The following DIAPH2 variants were observed in gnomAD, a reference collection of about 807,000 sequenced individuals.
DIAPH2 encodes the protein protein diaphanous homolog 2.
In DIAPH2, 35 loss-of-function variants were observed where a neutral mutation model predicts 92.7. The ratio of observed to expected loss-of-function variants is 0.38; its 90% CI spans 0.29 to 0.50. The LOEUF (loss-of-function observed/expected upper bound fraction) is 0.50, where lower values mean the gene tolerates loss of function less well. DIAPH2 is among the 20% of genes least tolerant of loss of function. The probability of loss-of-function intolerance (pLI) is 0.94; values close to 1 mark genes in which losing one functional copy is unlikely to be tolerated. For synonymous variants in DIAPH2, 301 were observed against 280.4 expected, an observed-to-expected ratio of 1.07 and a Z score of -0.73; for missense variants, 701 against 819.5, an observed-to-expected ratio of 0.86 and a Z score of 1.77.
At chrX:96,869,016 G>T (rs1235770179) in intron 4 of DIAPH2, among the ~76,000 whole-genome samples, 1 of 111,745 alleles carries the variant, frequency 8.9e-6, no homozygotes, top group African/African-American at 3.3e-5. Flanking sequence ...ATTCAACAGG[G>T]CAGGACCTTT....
At chrX:96,835,095 G>A (rs1180208135) in intron 4 of DIAPH2, among the ~76,000 whole-genome samples, 1 of 111,460 alleles carries the variant, frequency 9.0e-6, no homozygotes, top group African/African-American at 3.3e-5. Flanking sequence ...TTGACCTGCC[G>A]AGAGAGGTTA....
intron 1 of DIAPH2, among the ~76,000 whole-genome samples, chrX:96,718,336 G>GTTTTTTTTTTT (rs962776012): frequency 9.1e-5 from 1 of 10,993 alleles, no homozygotes; most frequent in Non-Finnish European, 1.4e-4. Flanking sequence ...CATTTTCTTT[G>GTTTTTTTTTTT]TTTTTTTTTT....
At chrX:97,226,364 A>G (rs781610056) in intron 22 of DIAPH2, among the ~76,000 whole-genome samples, 3 of 101,285 alleles carry the variant, frequency 3.0e-5, no homozygotes, top group African/African-American at 4.5e-5. Context: ...TTTTTGTTTT[A>G]TTTTGTTTTG....
At chrX:96,947,012 A>G (rs1314299735) in intron 14 of DIAPH2, among the ~76,000 whole-genome samples, 3 of 111,484 alleles carry the variant, frequency 2.7e-5, no homozygotes, top group African/African-American at 9.8e-5. Context: ...TAGTTGTGAG[A>G]TCTGATCTCA....
At chrX:97,487,817 G>C (rs991482091) in intron 26 of DIAPH2, among the ~76,000 whole-genome samples, 1 of 110,689 alleles carries the variant, frequency 9.0e-6, no homozygotes, top group Non-Finnish European at 1.9e-5. Flanking sequence ...TCCTAACTGG[G>C]GTGAGGTGAC....
intron 26 of DIAPH2, among the ~76,000 whole-genome samples, chrX:97,524,008 G>A (rs949144002): frequency 8.9e-6 from 1 of 111,733 alleles, no homozygotes; most frequent in Non-Finnish European, 1.9e-5. Context: ...AGATGTGGGT[G>A]GCAAGAATTA....
chrX:97,179,614 T>A (rs2067523121), intron 22 of DIAPH2, among the ~76,000 whole-genome samples: 1 of 111,930 alleles, frequency 8.9e-6, no homozygotes. Context: ...CTCTCATCGA[T>A]GGGCATTTGG....
intron 4 of DIAPH2, among the ~76,000 whole-genome samples, chrX:96,851,433 CTTAGGTGTCT>C (rs1358861588): frequency 8.9e-6 from 1 of 111,845 alleles, no homozygotes; most frequent in East Asian, 2.8e-4. Context: ...TACAGTTGTC[CTTAGGTGTCT>C]GTGGGGAATT....
chrX:97,331,937 A>G lies in DIAPH2; in HGVS notation c.2845-16179A>G, dbSNP rs981509456. On this transcript the variant is annotated intron_variant, in intron 23 of 26. Transcript: ENST00000324765. ...GGGTTAGAAAATATATAGTATTTCA[A>G]TGTCATTATTTTATTTCAGAGTAAC... 9.0e-5 allele frequency among the ~76,000 whole-genome samples: 10 copies of G among 111,542 alleles called. 1 individual carries two copies. Among genetic ancestry groups the G allele is most frequent in the South Asian group, 7.6e-4 (2 of 2,649 alleles).
At chrX:97,491,050 C>A (rs1296508928) in intron 26 of DIAPH2, among the ~76,000 whole-genome samples, 1 of 111,275 alleles carries the variant, frequency 9.0e-6, no homozygotes, top group Non-Finnish European at 1.9e-5. Flanking sequence ...TTTCCTACTT[C>A]AGATCTGTCA....
At chrX:97,082,474 A>T (rs1211947461) in intron 19 of DIAPH2, among the ~76,000 whole-genome samples, 1 of 108,043 alleles carries the variant, frequency 9.3e-6, no homozygotes, top group African/African-American at 3.4e-5. Context: ...AAAAAAAAAA[A>T]TACAAAAATT....
At chrX:96,760,806 G>C (rs980430025) in intron 4 of DIAPH2, among the ~76,000 whole-genome samples, 20 of 111,106 alleles carry the variant, frequency 1.8e-4, no homozygotes, top group African/African-American at 6.2e-4. Context: ...TCTTCTCGAA[G>C]TCCCATAATA....
At chrX:97,516,083 C>G (rs758830515) in intron 26 of DIAPH2, among the ~76,000 whole-genome samples, 1 of 110,351 alleles carries the variant, frequency 9.1e-6, no homozygotes, top group South Asian at 3.9e-4. Flanking sequence ...GAAACCCCAT[C>G]TCTACTAAAA....
intron 4 of DIAPH2, among the ~76,000 whole-genome samples, chrX:96,810,265 C>T (rs1349997025): frequency 8.9e-6 from 1 of 112,164 alleles, no homozygotes; most frequent in African/African-American, 3.2e-5. Flanking sequence ...TCTCTGATGA[C>T]CAGTGATGAT....
intron 25 of DIAPH2, among the ~76,000 whole-genome samples, chrX:97,392,578 G>A (rs1841785130): frequency 9.0e-6 from 1 of 111,681 alleles, no homozygotes; most frequent in Admixed American, 9.5e-5. Flanking sequence ...TGAAGGATGG[G>A]TAACATTTGG....
At chrX:97,434,785 T>TTTGC (rs2070165143) in intron 26 of DIAPH2, among the ~76,000 whole-genome samples, 2 of 111,633 alleles carry the variant, frequency 1.8e-5, no homozygotes, top group Admixed American at 9.6e-5. Context: ...TTTGGATAAG[T>TTTGC]TAAACTGAAA....
intron 17 of DIAPH2, among the ~76,000 whole-genome samples, chrX:96,983,290 A>G (rs1403613773): frequency 9.0e-6 from 1 of 111,322 alleles, no homozygotes. Context: ...GGGCTGGGAT[A>G]GAGTTTGTGG....
Position 97,149,347 on chromosome X carries a change from C to T in DIAPH2, c.2719+7553C>T, listed in dbSNP as rs772574889. On this transcript the variant is annotated intron_variant, in intron 22 of 26. Coordinates refer to ENST00000324765, the MANE Select transcript of DIAPH2 (RefSeq NM_006729.5). ...AGAATTGACCTTACTTAAATCTTAG[C>T]AGCCTGAGTAAAACTGAGTATACAT... Among the ~76,000 whole-genome samples, 440 of 111,672 alleles carry T rather than the reference C, an allele frequency of 3.9e-3. 1 individual carries two copies. The highest frequency in any genetic ancestry group is 6.9e-3 in the Non-Finnish European group (368 of 53,101).
At chrX:96,927,895 A>G (rs1367463508) in intron 9 of DIAPH2, among the ~76,000 whole-genome samples, 3 of 111,365 alleles carry the variant, frequency 2.7e-5, no homozygotes, top group Non-Finnish European at 5.7e-5. Context: ...ATTACATTAT[A>G]TATTATGATA....
Sources: allele counts gnomAD v4.1 joint callset (sites outside exome capture counted in the v4.1 genomes callset), GRCh38; gene constraint gnomAD v4.1.1; transcripts MANE v1.5; gene names NCBI Gene and HGNC (gene_info 2026-07-23, HGNC 2026-07-21).